The following TAOK3 variants were observed in gnomAD, a reference collection of about 807,000 sequenced individuals.
TAOK3 encodes TAO kinase 3, also known as serine/threonine-protein kinase TAO3.
Under a neutral mutation model 120.4 loss-of-function variants are expected in TAOK3, and 40 were observed. That is an observed-to-expected ratio of 0.33 (90% CI 0.26 to 0.43). TAOK3 has a LOEUF of 0.43. TAOK3 is among the 20% of genes least tolerant of loss of function. The pLI is 1.00. For missense variants in TAOK3, 821 were observed against 1,112.1 expected (o/e 0.74, Z 3.72); for synonymous variants, 355 against 387.5 (o/e 0.92, Z 0.99).
chr12:118,162,661 T>C lies in TAOK3; in HGVS notation c.1900-634A>G, dbSNP rs191764526. 3.9e-5 allele frequency among the ~76,000 whole-genome samples: 6 copies of C among 152,228 alleles called. No homozygotes were observed. In the East Asian group the frequency reaches 1.2e-3, roughly 29 times the overall value. Reference sequence around the variant, plus strand: ...TTAAAATCTCAGAGTTCAAGGCATGTTGGGGAAAAAAAAACAGATGAGATC... The same window carrying C: ...TTAAAATCTCAGAGTTCAAGGCATGCTGGGGAAAAAAAAACAGATGAGATC... On this transcript the variant is annotated intron_variant, in intron 17 of 20. Coordinates refer to ENST00000392533, the MANE Select transcript of TAOK3 (RefSeq NM_016281.4).
At chr12:118,350,807 C>T (rs1233356817) in intron 1 of TAOK3, among the ~76,000 whole-genome samples, 1 of 148,340 alleles carries the variant, frequency 6.7e-6, no homozygotes, top group African/African-American at 2.5e-5. Context: ...TTGCAGTGAG[C>T]TGAGGTCGTG....
intron 9 of TAOK3, among the ~76,000 whole-genome samples, chr12:118,231,839 C>T (rs2039797577): frequency 6.6e-6 from 1 of 151,394 alleles, no homozygotes; most frequent in South Asian, 2.1e-4. Flanking sequence ...AGGAGAATCG[C>T]TTGAACCCAG....
rs2043057877 is a variant in TAOK3 at position 118,306,510 on chromosome 12, A to G, written c.-193-39751T>C. 2.6e-5 allele frequency among the ~76,000 whole-genome samples: 4 copies of G among 151,936 alleles called. No individual in the cohort carries two copies. In the South Asian group the frequency reaches 6.2e-4, roughly 24 times the overall value. On this transcript the variant is annotated intron_variant, in intron 1 of 20. Transcript: ENST00000392533. Reference sequence around the variant, plus strand: ...TTAATTATTTCAACACTTGGTTTAAATTTTTCTTTTTGACTTATATTCTTC... The same window carrying G: ...TTAATTATTTCAACACTTGGTTTAAGTTTTTCTTTTTGACTTATATTCTTC...
chr12:118,269,623 G>C (rs2041617788), intron 1 of TAOK3, among the ~76,000 whole-genome samples: 1 of 151,904 alleles, frequency 6.6e-6, no homozygotes, highest in Non-Finnish European at 1.5e-5. Flanking sequence ...ACCTGCCTCG[G>C]CCTCCCAAAG....
At chr12:118,291,412 C>T (rs563916525) in intron 1 of TAOK3, among the ~76,000 whole-genome samples, 4 of 152,184 alleles carry the variant, frequency 2.6e-5, no homozygotes, top group East Asian at 1.9e-4. Context: ...TCGCCCGCCT[C>T]GGCCTCCCAA....
At chr12:118,213,207 A>AT (rs2038717626) in intron 10 of TAOK3, among the ~76,000 whole-genome samples, 1 of 152,238 alleles carries the variant, frequency 6.6e-6, no homozygotes, top group African/African-American at 2.4e-5. Context: ...TAGTCAACAT[A>AT]TTAATACATC....
intron 17 of TAOK3, among the ~76,000 whole-genome samples, chr12:118,172,046 G>A (rs2036026399): frequency 6.6e-6 from 1 of 152,210 alleles, no homozygotes; most frequent in African/African-American, 2.4e-5. Context: ...CACTCTGAGA[G>A]TACTGGATGA....
At chr12:118,339,799 G>T (rs1426338838) in intron 1 of TAOK3, among the ~76,000 whole-genome samples, 2 of 152,044 alleles carry the variant, frequency 1.3e-5, no homozygotes, top group Admixed American at 6.6e-5. Flanking sequence ...TTCCCAAAGC[G>T]CTGGGATTAC....
intron 5 of TAOK3, among the ~76,000 whole-genome samples, chr12:118,242,543 A>C (rs1203209817): frequency 6.6e-6 from 1 of 152,174 alleles, no homozygotes; most frequent in Non-Finnish European, 1.5e-5. Flanking sequence ...TGCCAACCTA[A>C]AACCAGAAAT....
chr12:118,350,247 T>C (rs1271302645), intron 1 of TAOK3, among the ~76,000 whole-genome samples: 1 of 152,150 alleles, frequency 6.6e-6, no homozygotes, highest in Admixed American at 6.5e-5. Context: ...AGTTATTTAA[T>C]TCCAATCTTC....
In TAOK3 at chr12:118,167,792, G is replaced by A. The variant is rs986331834; in HGVS notation, c.1899+4665C>T. On this transcript the variant is annotated intron_variant, in intron 17 of 20. Transcript: ENST00000392533. ...TATCTCTCCTAGGAATTTTAATCTCGAACAGAAACGATACAAAGACAAAAA... is the reference window on the plus strand; with the variant it reads ...TATCTCTCCTAGGAATTTTAATCTCAAACAGAAACGATACAAAGACAAAAA... Among the ~76,000 whole-genome samples, 8 of 151,454 alleles carry A rather than the reference G, an allele frequency of 5.3e-5. No homozygotes were observed. In the South Asian group the frequency reaches 1.0e-3, roughly 20 times the overall value.
At chr12:118,194,521 G>A (rs1191049140) in intron 13 of TAOK3, among the ~76,000 whole-genome samples, 1 of 151,574 alleles carries the variant, frequency 6.6e-6, no homozygotes, top group Non-Finnish European at 1.5e-5. Flanking sequence ...AGAGGCAAAG[G>A]ACCCACCCCT....
At chr12:118,219,091 T>C (rs2039090523) in intron 9 of TAOK3, among the ~76,000 whole-genome samples, 1 of 152,232 alleles carries the variant, frequency 6.6e-6, no homozygotes, top group East Asian at 1.9e-4. Context: ...TGGGACTGGC[T>C]ACTTCCAGAG....
intron 3 of TAOK3, among the ~76,000 whole-genome samples, chr12:118,249,764 C>T (rs1344701506): frequency 6.6e-6 from 1 of 151,858 alleles, no homozygotes; most frequent in Non-Finnish European, 1.5e-5. Context: ...TCCAAGGGTT[C>T]AAGGTTACAG....
chr12:118,258,275 C>A (rs1046989290), intron 2 of TAOK3, among the ~76,000 whole-genome samples: 1 of 152,086 alleles, frequency 6.6e-6, no homozygotes, highest in Non-Finnish European at 1.5e-5. Flanking sequence ...ATCCCTCCGC[C>A]AACAATGCAC....
chr12:118,238,488 C>T (rs2040111197), intron 6 of TAOK3, among the ~76,000 whole-genome samples: 1 of 152,178 alleles, frequency 6.6e-6, no homozygotes, highest in Admixed American at 6.6e-5. Flanking sequence ...CCAGTCCCTT[C>T]CAACATTTCA....
chr12:118,244,533 C>CT (rs71069434), intron 4 of TAOK3, among the ~76,000 whole-genome samples: 8,027 of 123,882 alleles, frequency 0.065, 619 homozygotes, highest in East Asian at 0.27. Context: ...TTTTCTTTTT[C>CT]TTTTTTTTTT....
In TAOK3 at chr12:118,372,035, G is replaced by GC. The variant is rs1282517520; in HGVS notation, c.-194+612dup. Among the ~76,000 whole-genome samples, 4 of 151,134 alleles carry GC rather than the reference G, an allele frequency of 2.6e-5. No homozygotes were observed. The highest frequency in any genetic ancestry group is 5.9e-5 in the Non-Finnish European group (4 of 67,762). Reference sequence around the variant, plus strand: ...CCCCTCCTCTTCTCCCACTGTCTTGGCCCTTCCTGGGGTCTTCTCACACTC... The same window carrying GC: ...CCCCTCCTCTTCTCCCACTGTCTTGGCCCCTTCCTGGGGTCTTCTCACACTC... On this transcript the variant is annotated intron_variant, in intron 1 of 20. Coordinates refer to ENST00000392533, the MANE Select transcript of TAOK3 (RefSeq NM_016281.4). This position sits in a 1 kb window ranked among gnomAD's most constrained non-coding sequence, Gnocchi z 4.6.
chr12:118,349,939 C>T (rs1443924093), intron 1 of TAOK3, among the ~76,000 whole-genome samples: 1 of 152,220 alleles, frequency 6.6e-6, no homozygotes, highest in Non-Finnish European at 1.5e-5. Flanking sequence ...CTGAACTTCT[C>T]TAAGCCTTCA....
Sources: allele counts gnomAD v4.1 joint callset (sites outside exome capture counted in the v4.1 genomes callset), GRCh38; gene constraint gnomAD v4.1.1; non-coding constraint Gnocchi (gnomAD v3.1); transcripts MANE v1.5; gene names NCBI Gene and HGNC (gene_info 2026-07-23, HGNC 2026-07-21).